DZIP1: variants seen among roughly 807,000 people sequenced by gnomAD.
DZIP1 encodes DAZ interacting zinc finger protein 1.
Under a neutral mutation model 107.6 loss-of-function variants are expected in DZIP1, and 97 were observed. That is an observed-to-expected ratio of 0.90 (90% CI 0.77 to 1.07). The LOEUF is 1.07. Ranked by LOEUF, DZIP1 falls within the 50% of genes least tolerant of loss-of-function variation. The probability of loss-of-function intolerance (pLI) is 0.00; values close to 1 mark genes in which losing one functional copy is unlikely to be tolerated. For missense variants in DZIP1, 1,035 were observed against 1,063.6 expected (o/e 0.97, Z 0.37); for synonymous variants, 390 against 386.4 (o/e 1.01, Z -0.11).
intron 16 of DZIP1, among the ~76,000 whole-genome samples, chr13:95,593,366 T>C (rs2044363060): frequency 6.6e-6 from 1 of 152,224 alleles, no homozygotes; most frequent in South Asian, 2.1e-4. Context: ...TATATGCATA[T>C]GTAGATGCAC....
At chr13:95,628,848 G>T (rs953253137) in intron 7 of DZIP1, among the ~76,000 whole-genome samples, 1 of 152,130 alleles carries the variant, frequency 6.6e-6, no homozygotes, top group Non-Finnish European at 1.5e-5. Flanking sequence ...ATCACAGAGA[G>T]GGAAAGTAGC....
intron 5 of DZIP1, among the ~76,000 whole-genome samples, chr13:95,635,955 AG>A (rs1294991092): frequency 2.2e-5 from 3 of 137,926 alleles, no homozygotes. Context: ...GGAGGGAAAG[AG>A]GGAAGGAAAG....
At chr13:95,588,363 T>C (rs1441405375) in intron 19 of DZIP1, among the ~76,000 whole-genome samples, 7 of 152,368 alleles carry the variant, frequency 4.6e-5, no homozygotes, top group Non-Finnish European at 1.0e-4. Context: ...TCATTGTTTA[T>C]TGTCTCTAAT....
rs554032447 is a variant in DZIP1 at position 95,605,979 on chromosome 13, GCTGAGACTATTA to G, written c.1477+12_1477+23del. The G allele has an allele frequency of 1.1e-4, 185 of 1,612,506 alleles. No individual in the cohort carries two copies. The highest frequency in any genetic ancestry group is 3.2e-4 in the Admixed American group (19 of 59,900). ...TCAGGGTGGCAACTGCACATAAAACGCTGAGACTATTACTGAAACTTACCATGCACCATTGGC... is the reference window on the plus strand; with the variant it reads ...TCAGGGTGGCAACTGCACATAAAACGCTGAAACTTACCATGCACCATTGGC... On this transcript the variant is annotated intron_variant, in intron 14 of 22. Coordinates refer to ENST00000376829, the MANE Select transcript of DZIP1 (RefSeq NM_198968.4).
chr13:95,582,983 C>A (rs1048922812), intron 22 of DZIP1, among the ~76,000 whole-genome samples: 5 of 152,120 alleles, frequency 3.3e-5, no homozygotes, highest in Non-Finnish European at 5.9e-5. Context: ...GCACAGATAA[C>A]TGATGCCAGT....
At chr13:95,617,256 GA>G (rs1875224733) in intron 10 of DZIP1, among the ~76,000 whole-genome samples, 1 of 151,974 alleles carries the variant, frequency 6.6e-6, no homozygotes, top group Non-Finnish European at 1.5e-5. Flanking sequence ...GCGGGAGAAT[GA>G]AAGCAAGAGA....
At position 95,609,551 on chromosome 13, in the gene DZIP1, C is replaced by T. The variant is rs1389155080; in HGVS notation, c.1364-38G>A. On this transcript the variant is annotated intron_variant, in intron 12 of 22. Coordinates refer to ENST00000376829, the MANE Select transcript of DZIP1 (RefSeq NM_198968.4). The stretch of plus-strand genomic sequence containing the variant: ...AAAAATAAATGAACAAAAAACATCA[C>T]AAGCTATGGATTAAATTTTTGTAGC... 2.7e-6 allele frequency: 4 copies of T among 1,505,164 alleles called. No homozygotes were observed. The Admixed American group carries it at 6.8e-5, about 26-fold the overall frequency. 93.2% of individuals were successfully genotyped at this position (1,505,164 alleles called of 1,614,324 possible).
intron 13 of DZIP1, among the ~76,000 whole-genome samples, chr13:95,606,417 C>G (rs1218521181): frequency 6.6e-6 from 1 of 152,200 alleles, no homozygotes; most frequent in Non-Finnish European, 1.5e-5. Flanking sequence ...CCCCAGACAA[C>G]AATTAATCTA....
chr13:95,580,698 GAATA>G lies in DZIP1; in HGVS notation c.*1532_*1535del, dbSNP rs2044000981. The G allele has an allele frequency of 6.6e-6, 1 of 152,198 alleles. No individual in the cohort carries two copies. The highest frequency in any genetic ancestry group is 1.5e-5 in the Non-Finnish European group (1 of 68,044). 9.4% of individuals were successfully genotyped at this position (152,198 alleles called of 1,614,324 possible). ...CCAAGTGGTTCAATAAATATCTGCT[GAATA>G]AATAAATGAATGAACAAAGTGGCAC... On this transcript the variant is annotated 3_prime_UTR_variant, in exon 23 of 23. Transcript: ENST00000376829.
At chr13:95,624,474 T>G (rs1010452571) in intron 8 of DZIP1, among the ~76,000 whole-genome samples, 1 of 152,100 alleles carries the variant, frequency 6.6e-6, no homozygotes, top group Non-Finnish European at 1.5e-5. Context: ...AGGGAGGAGT[T>G]TACAGTTCAA....
chr13:95,586,101 T>A lies in DZIP1; in HGVS notation c.2254A>T (p.Lys752Ter), dbSNP rs1189760429. 6.2e-7 allele frequency: 1 copy of A among 1,611,946 alleles called. No homozygotes were observed. Among genetic ancestry groups the A allele is most frequent in the East Asian group, 2.2e-5 (1 of 44,722 alleles). ...AVKTPTEKVEKMFPHRKNVNK... is the reference protein window; with the variant it reads ...AVKTPTEKVE ...ACATTTTTGCGATGTGGAAACATCTTTTCAACTTTTTCAGTAGGTGTTTTA... is the reference window on the plus strand; with the variant it reads ...ACATTTTTGCGATGTGGAAACATCTATTCAACTTTTTCAGTAGGTGTTTTA... Residue 752 changes from lysine to a stop codon, truncating the protein, a stop_gained, in exon 21 of 23, where the codon AAG becomes TAG. Coordinates refer to ENST00000376829, the MANE Select transcript of DZIP1 (RefSeq NM_198968.4). LOFTEE classifies it high-confidence loss of function.
intron 22 of DZIP1, among the ~76,000 whole-genome samples, chr13:95,583,978 T>A (rs1330136854): frequency 6.6e-6 from 1 of 151,550 alleles, no homozygotes; most frequent in African/African-American, 2.4e-5. Context: ...AAAAAAATAA[T>A]AATAATAAAT....
chr13:95,642,199 A>C lies in DZIP1; in HGVS notation c.-170T>G. On this transcript the variant is annotated 5_prime_UTR_variant, in exon 4 of 23. Transcript: ENST00000376829. Reference sequence around the variant, plus strand: ...AGCGCCCAGGTCCGGACCTGGAGCAAAGGGCGCGTCTGCCCGCGCAGGGTC... The same window carrying C: ...AGCGCCCAGGTCCGGACCTGGAGCACAGGGCGCGTCTGCCCGCGCAGGGTC... The C allele has an allele frequency of 1.2e-6, 1 of 858,176 alleles. No individual in the cohort carries two copies. The highest frequency in any genetic ancestry group is 1.7e-6 in the Non-Finnish European group (1 of 597,158). The allele number at this position is 858,176 out of a possible 1,614,324, so 53.2% of individuals were successfully genotyped here.
intron 5 of DZIP1, among the ~76,000 whole-genome samples, chr13:95,633,751 A>G (rs914671146): frequency 2.6e-5 from 4 of 151,622 alleles, no homozygotes; most frequent in Non-Finnish European, 4.4e-5. Context: ...GCTGAACGAT[A>G]CCATCCTAGC....
intron 16 of DZIP1, 112 bp downstream of exon 16, chr13:95,593,832 T>C (rs2044373485): frequency 7.5e-7 from 1 of 1,337,858 alleles, no homozygotes; most frequent in Non-Finnish European, 1.0e-6. Flanking sequence ...TTAGCCTCTG[T>C]TCTCCAAACA....
intron 13 of DZIP1, 29 bp downstream of exon 13, chr13:95,609,428 G>A (rs2139086949): frequency 1.4e-6 from 2 of 1,449,806 alleles, no homozygotes; most frequent in Non-Finnish European, 1.8e-6. Flanking sequence ...AGATACCTTT[G>A]GAGCCCTGCA....
chr13:95,580,766 C>T lies in DZIP1; in HGVS notation c.*1468G>A, dbSNP rs1172604798. On this transcript the variant is annotated 3_prime_UTR_variant, in exon 23 of 23. Transcript: ENST00000376829. Reference sequence around the variant, plus strand: ...GGCTTGGTGTAGTTTTGTAGATTGCCGTTCTCTGTCCTACCACATGAAACT... The same window carrying T: ...GGCTTGGTGTAGTTTTGTAGATTGCTGTTCTCTGTCCTACCACATGAAACT... 1 of 152,174 alleles carries T rather than the reference C, an allele frequency of 6.6e-6. No homozygotes were observed. Among genetic ancestry groups the T allele is most frequent in the African/African-American group, 2.4e-5 (1 of 41,444 alleles). The allele number at this position is 152,174 out of a possible 1,614,324, so 9.4% of individuals were successfully genotyped here.
intron 7 of DZIP1, 101 bp downstream of exon 7, chr13:95,629,888 T>G: frequency 7.9e-7 from 1 of 1,267,652 alleles, no homozygotes; most frequent in South Asian, 2.1e-5. Context: ...TCTTGTCAAA[T>G]TCACAAACTC....
chr13:95,638,600 A>T (rs914346838), intron 5 of DZIP1, among the ~76,000 whole-genome samples: 1 of 151,996 alleles, frequency 6.6e-6, no homozygotes. Flanking sequence ...GAGGAAAAAG[A>T]CCTTACACAT....
Sources: gnomAD v4.1 joint callset for allele counts (sites outside exome capture counted in the v4.1 genomes callset) on GRCh38, gnomAD v4.1.1 for gene constraint, MANE v1.5 for transcripts, NCBI Gene and HGNC (gene_info 2026-07-23, HGNC 2026-07-21) for gene names.